BPTF: variants seen among roughly 807,000 people sequenced by gnomAD.
The protein encoded by BPTF is bromodomain PHD finger transcription factor, also known as nucleosome-remodeling factor subunit BPTF.
Under a neutral mutation model 292.5 loss-of-function variants are expected in BPTF, and 18 were observed. The observed-to-expected ratio is 0.06, with a 90% CI of 0.04 to 0.09. BPTF has a LOEUF of 0.09. Ranked by LOEUF, BPTF falls within the 10% of genes least tolerant of loss-of-function variation. BPTF has a pLI of 1.00. For missense variants in BPTF, 2,726 were observed against 3,498.7 expected, an observed-to-expected ratio of 0.78 and a Z score of 5.57; for synonymous variants, 1,225 against 1,251.9, an observed-to-expected ratio of 0.98 and a Z score of 0.45.
intron 13 of BPTF, 122 bp downstream of exon 13, chr17:67,920,265 C>A: frequency 8.9e-7 from 1 of 1,123,556 alleles, no homozygotes; most frequent in Non-Finnish European, 1.3e-6. Context: ...TTACAACTAC[C>A]AAATTTTGAA....
chr17:67,910,105 A>G (rs1298886584), intron 10 of BPTF, among the ~76,000 whole-genome samples: 3 of 152,228 alleles, frequency 2.0e-5, no homozygotes, highest in East Asian at 3.8e-4. Flanking sequence ...GACAGTCCAT[A>G]GAAATGGAAT....
At position 67,948,088 on chromosome 17, in the gene BPTF, G is replaced by A. The variant is rs782729053; in HGVS notation, c.7708G>A (p.Val2570Ile). The change falls in exon 23 of 28, where the codon GTC becomes ATC. Residue 2570 changes from valine (V) to isoleucine (I), a missense_variant. By Grantham distance (29) the Val-to-Ile change is conservative (BLOSUM62 3). Transcript: ENST00000306378. ...TTGTGTATTTTTCTCTAGAATGATT[G>A]TCTGTAACCAGGTGATGAAGTATAT... ...AEREENQRMIVCNQVMKYILD... is the reference protein window; with the variant it reads ...AEREENQRMIICNQVMKYILD... 3.1e-6 allele frequency: 5 copies of A among 1,613,204 alleles called. No individual in the cohort carries two copies. Among genetic ancestry groups the A allele is most frequent in the Admixed American group, 3.3e-5 (2 of 60,004 alleles).
chr17:67,859,369 C>A (rs1450251470), intron 2 of BPTF, among the ~76,000 whole-genome samples: 1 of 152,174 alleles, frequency 6.6e-6, no homozygotes, highest in Non-Finnish European at 1.5e-5. Context: ...TGGTCTCAAA[C>A]TCCTGGGTTC....
At chr17:67,981,692 A>C in intron 27 of BPTF, 1 of 990,668 alleles carries the variant, frequency 1.0e-6, no homozygotes, top group Non-Finnish European at 1.2e-6. Context: ...AAGTCCTTTG[A>C]CTTAGTCCTG....
chr17:67,925,471 C>T (rs1431439676), intron 15 of BPTF, among the ~76,000 whole-genome samples: 1 of 151,978 alleles, frequency 6.6e-6, no homozygotes, highest in African/African-American at 2.4e-5. Context: ...TGAGACCAGC[C>T]TGGGCAACAT....
chr17:67,979,169 C>CAAAAAAAAAAAAAAAAAAAAAAAAAAAAA (rs11376410), intron 27 of BPTF, among the ~76,000 whole-genome samples: 4 of 72,566 alleles, frequency 5.5e-5, no homozygotes, highest in African/African-American at 3.2e-4. Context: ...GACCCTGTCT[C>CAAAAAAAAAAAAAAAAAAAAAAAAAAAAA]AAAAAAAAAA....
At chr17:67,973,559 G>A (rs1035925276) in intron 26 of BPTF, among the ~76,000 whole-genome samples, 2 of 151,792 alleles carry the variant, frequency 1.3e-5, no homozygotes, top group Non-Finnish European at 2.9e-5. Context: ...GCAGTGGTGA[G>A]TGCAGTGGTG....
chr17:67,914,088 A>T (rs913793276), intron 11 of BPTF, among the ~76,000 whole-genome samples: 3 of 152,214 alleles, frequency 2.0e-5, no homozygotes, highest in African/African-American at 7.2e-5. Flanking sequence ...TAGAAATCAG[A>T]ATCAGTCATA....
chr17:67,835,226 A>C (rs2057030738), intron 1 of BPTF, among the ~76,000 whole-genome samples: 1 of 151,910 alleles, frequency 6.6e-6, no homozygotes, highest in African/African-American at 2.4e-5. Context: ...AAAAAAATTT[A>C]AGTAAAATGA....
intron 2 of BPTF, among the ~76,000 whole-genome samples, chr17:67,863,564 G>C (rs542993060): frequency 2.5e-4 from 38 of 152,178 alleles, no homozygotes; most frequent in Non-Finnish European, 4.3e-4. Context: ...AATTACAGGC[G>C]TGAGCCACCA....
intron 1 of BPTF, among the ~76,000 whole-genome samples, chr17:67,843,513 T>G (rs934621260): frequency 6.7e-6 from 1 of 149,438 alleles, no homozygotes; most frequent in African/African-American, 2.4e-5. Context: ...AGACTTTGAA[T>G]GTATGTAGAT....
Position 67,922,846 on chromosome 17 carries a change from C to A in BPTF, c.5564C>A (p.Pro1855His). Residue 1855 changes from proline (P) to histidine (H), a missense_variant, in exon 14 of 28, where the codon CCT becomes CAT. Pro to His is a moderately conservative substitution (Grantham distance 77, BLOSUM62 -2). Coordinates refer to ENST00000306378, the MANE Select transcript of BPTF (RefSeq NM_182641.4). ...TCTGATTTCCTTTCCAAAGAAACGC[C>A]TACACCTCAGAGGAAAGGCCTTCGA... ...IGVPETPKET[P>H]TPQRKGLRSS... The A allele has an allele frequency of 6.2e-7, 1 of 1,603,292 alleles. No individual in the cohort carries two copies. The highest frequency in any genetic ancestry group is 8.5e-7 in the Non-Finnish European group (1 of 1,177,386).
intron 4 of BPTF, among the ~76,000 whole-genome samples, chr17:67,888,439 TAC>T: frequency 6.6e-6 from 1 of 151,556 alleles, no homozygotes; most frequent in Non-Finnish European, 1.5e-5. Context: ...ATACAAAAAA[TAC>T]TAGCCGGGCA....
intron 14 of BPTF, among the ~76,000 whole-genome samples, chr17:67,923,214 C>T (rs552214717): frequency 1.3e-5 from 2 of 151,930 alleles, no homozygotes; most frequent in Non-Finnish European, 2.9e-5. Flanking sequence ...TGCCACCACG[C>T]CCAGCTAATG....
At chr17:67,904,159 G>C (rs2062027727) in intron 8 of BPTF, among the ~76,000 whole-genome samples, 1 of 152,186 alleles carries the variant, frequency 6.6e-6, no homozygotes. Flanking sequence ...CTCCCAAGTA[G>C]CTGGGATTAT....
chr17:67,895,288 G>C (rs982678951), intron 7 of BPTF, among the ~76,000 whole-genome samples: 10 of 126,068 alleles, frequency 7.9e-5, no homozygotes, highest in African/African-American at 2.5e-4. Context: ...AACCGAGATT[G>C]CACCACTGCA....
At chr17:67,831,824 T>C (rs2056709278) in intron 1 of BPTF, among the ~76,000 whole-genome samples, 1 of 152,164 alleles carries the variant, frequency 6.6e-6, no homozygotes, top group African/African-American at 2.4e-5. Context: ...GTCTTCCTTC[T>C]CTTTGAGTGC....
chr17:67,971,689 A>G (rs1168876637), intron 26 of BPTF, among the ~76,000 whole-genome samples: 1 of 151,938 alleles, frequency 6.6e-6, no homozygotes, highest in African/African-American at 2.4e-5. Context: ...CTGTAATCCC[A>G]GCTACTCAGG....
intron 24 of BPTF, among the ~76,000 whole-genome samples, chr17:67,961,039 C>T (rs186292878): frequency 6.6e-6 from 1 of 152,290 alleles, no homozygotes; most frequent in East Asian, 1.9e-4. Context: ...AAGTGTGCCT[C>T]ACTTTAAGCA....
Sources: gnomAD v4.1 joint callset for allele counts (sites outside exome capture counted in the v4.1 genomes callset) on GRCh38, gnomAD v4.1.1 for gene constraint, MANE v1.5 for transcripts, NCBI Gene and HGNC (gene_info 2026-07-23, HGNC 2026-07-21) for gene names.